Variants in KCNN1 observed in about 807,000 individuals in gnomAD.
KCNN1 encodes the protein small conductance calcium-activated potassium channel protein 1.
In KCNN1, 20 loss-of-function variants were observed where a neutral mutation model predicts 44.7. The ratio of observed to expected loss-of-function variants is 0.45; its 90% confidence interval spans 0.32 to 0.65. The LOEUF is 0.65. KCNN1 is among the 30% of genes least tolerant of loss of function. The pLI is 0.05. For synonymous variants in KCNN1, 324 were observed against 341.7 expected, an observed-to-expected ratio of 0.95 and a Z score of 0.57; for missense variants, 632 against 785.3, an observed-to-expected ratio of 0.80 and a Z score of 2.33.
chr19:17,954,985 C>T (rs1211623200), intron 2 of KCNN1, among the ~76,000 whole-genome samples: 1 of 151,052 alleles, frequency 6.6e-6, no homozygotes, highest in Non-Finnish European at 1.5e-5. Context: ...TTGCAGTGAG[C>T]CAAGATCGCG....
In KCNN1 at chr19:17,993,353, C is replaced by T. The variant is rs530710664; in HGVS notation, c.1308-137C>T. On this transcript the variant is annotated intron_variant, in intron 8 of 9. Transcript: ENST00000684775. The surrounding 1 kb of genome is among the most constrained non-coding windows in gnomAD (Gnocchi z 4.5). The stretch of plus-strand genomic sequence containing the variant: ...TGGGAGGGAATAGACTACAGGGAAT[C>T]GGCCTCCCAACTCCCACCTCATCCT... 5.0e-5 allele frequency: 36 copies of T among 720,890 alleles called. No homozygotes were observed. Among genetic ancestry groups the T allele is most frequent in the Non-Finnish European group, 7.6e-5 (31 of 407,676 alleles). The allele number at this position is 720,890 out of a possible 1,614,324, so 44.7% of individuals were successfully genotyped here. A position where few individuals can be genotyped will look rare whatever the true frequency, so the allele number is the denominator to read the frequency against.
chr19:17,998,628 A>T lies in KCNN1; in HGVS notation c.*222A>T. 1 of 465,752 alleles carries T rather than the reference A, an allele frequency of 2.1e-6. No homozygotes were observed. Among genetic ancestry groups the T allele is most frequent in the Non-Finnish European group, 3.7e-6 (1 of 270,070 alleles). The allele number at this position is 465,752 out of a possible 1,614,324, so 28.9% of individuals were successfully genotyped here. ...CTTCCTCTGGTCACCTGGTCCCCCG[A>T]CTCTCCCCAGGCCCCCGGTGGGCAT... On this transcript the variant is annotated 3_prime_UTR_variant, in exon 10 of 10. Coordinates refer to ENST00000684775, the MANE Select transcript of KCNN1 (RefSeq NM_001386974.1). The surrounding 1 kb of genome is among the most constrained non-coding windows in gnomAD (Gnocchi z 5.4).
chr19:17,984,811 A>T (rs974141192), intron 4 of KCNN1, among the ~76,000 whole-genome samples: 13 of 152,018 alleles, frequency 8.6e-5, no homozygotes, highest in Non-Finnish European at 1.8e-4. Context: ...ACATAGGCTG[A>T]GTTGGGGGAC....
At position 17,981,861 on chromosome 19, in the gene KCNN1, C is replaced by G; in HGVS notation, c.651C>G (p.Tyr217Ter). ...FTWTARLAFT[Y>*]APSVAEADVD... is the part of the protein sequence containing the mutation. ...GGACGGCGCGGCTGGCCTTCACGTA[C>G]GCGCCCTCGGTGGCCGAGGCCGACG... Residue 217 changes from tyrosine to a stop codon, truncating the protein, a stop_gained, in exon 4 of 10, where the codon TAC (tyrosine) becomes TAG (stop). Coordinates refer to ENST00000684775, the MANE Select transcript of KCNN1 (RefSeq NM_001386974.1). LOFTEE classifies it high-confidence loss of function. 6.2e-7 allele frequency: 1 copy of G among 1,612,634 alleles called. No homozygotes were observed. The highest frequency in any genetic ancestry group is 8.5e-7 in the Non-Finnish European group (1 of 1,179,288).
At chr19:17,990,665 T>G (rs1219705863) in intron 7 of KCNN1, among the ~76,000 whole-genome samples, 5 of 151,280 alleles carry the variant, frequency 3.3e-5, no homozygotes, top group Non-Finnish European at 7.4e-5. Context: ...CCGGGCGTGG[T>G]GGCGGACGCC....
At chr19:17,986,637 A>G (rs952483057) in intron 5 of KCNN1, among the ~76,000 whole-genome samples, 1 of 152,130 alleles carries the variant, frequency 6.6e-6, no homozygotes, top group Admixed American at 6.6e-5. Flanking sequence ...TTTTATGCCC[A>G]TGCCAACAAA....
rs371671009 is a variant in KCNN1 at position 17,981,892 on chromosome 19, G to C, written c.682G>C (p.Val228Leu). ...CTCGGTGGCCGAGGCCGACGTGGAC[G>C]TGCTGCTGTCCATCCCCATGTTCCT... is the stretch of plus-strand genomic sequence containing the variant. ...APSVAEADVDVLLSIPMFLRL... is the reference protein window; with the variant it reads ...APSVAEADVDLLLSIPMFLRL... The change falls in exon 4 of 10, where the codon GTG becomes CTG. Residue 228 changes from valine (V) to leucine (L), a missense_variant. By Grantham distance (32) the Val-to-Leu change is conservative (BLOSUM62 1). Around this residue, in one of 3 missense-constraint regions of KCNN1, gnomAD observed 160 missense variants for 308.3 expected, o/e 0.52. Coordinates refer to ENST00000684775, the MANE Select transcript of KCNN1 (RefSeq NM_001386974.1). 6.2e-7 allele frequency: 1 copy of C among 1,612,476 alleles called. No individual in the cohort carries two copies. Among genetic ancestry groups the C allele is most frequent in the South Asian group, 1.1e-5 (1 of 90,998 alleles).
chr19:17,997,437 G>A (rs1286555255), intron 9 of KCNN1, among the ~76,000 whole-genome samples: 1 of 152,120 alleles, frequency 6.6e-6, no homozygotes, highest in Non-Finnish European at 1.5e-5. Context: ...GGCAGCTCTG[G>A]GCATGTCCCC....
chr19:17,996,867 G>A (rs969127706), intron 9 of KCNN1, among the ~76,000 whole-genome samples: 1 of 152,220 alleles, frequency 6.6e-6, no homozygotes, highest in Non-Finnish European at 1.5e-5. Context: ...AAGAGGCTGG[G>A]TGTGAGAGGA....
intron 2 of KCNN1, among the ~76,000 whole-genome samples, chr19:17,956,313 G>A (rs966550720): frequency 3.3e-5 from 5 of 152,158 alleles, no homozygotes; most frequent in African/African-American, 1.2e-4. Context: ...CAGAGGTGGT[G>A]GTCATTTAGT....
chr19:17,955,668 C>T (rs1000635287), intron 2 of KCNN1, among the ~76,000 whole-genome samples: 44 of 151,442 alleles, frequency 2.9e-4, no homozygotes, highest in African/African-American at 8.5e-4. Flanking sequence ...CTAGAGCCTC[C>T]GGGGAGTTAC....
chr19:17,952,230 G>C (rs1011446525), intron 1 of KCNN1: 1 of 151,968 alleles, frequency 6.6e-6, no homozygotes, highest in African/African-American at 2.4e-5. Flanking sequence ...TCGGCTCTGC[G>C]GCGGCGCGCG....
Position 17,974,011 on chromosome 19 carries a change from C to T in KCNN1, c.123C>T (p.Gly41=), listed in dbSNP as rs746948458. The T allele has an allele frequency of 3.1e-6, 5 of 1,599,306 alleles. No homozygotes were observed. In the South Asian group the frequency reaches 5.6e-5, roughly 18 times the overall value. ...GHPPQPPHSP[G]LQVVVAKSEP... ...CCCCACAACCCCCGCACAGCCCGGG[C>T]CTCCAGGTGGTAGTGGCCAAGAGTG... Residue 41 remains glycine (G), a synonymous_variant, in exon 2 of 10, where the codon GGC becomes GGT. Coordinates refer to ENST00000684775, the MANE Select transcript of KCNN1 (RefSeq NM_001386974.1). The surrounding 1 kb of genome is among the most constrained non-coding windows in gnomAD (Gnocchi z 7.3).
Position 17,993,652 on chromosome 19 carries a change from G to A in KCNN1, c.1377+93G>A. 2 of 1,038,030 alleles carry A rather than the reference G, an allele frequency of 1.9e-6. No homozygotes were observed. The highest frequency in any genetic ancestry group is 1.6e-5 in the African/African-American group (1 of 63,996). The allele number at this position is 1,038,030 out of a possible 1,614,324, so 64.3% of individuals were successfully genotyped here. On this transcript the variant is annotated intron_variant, in intron 9 of 9. Transcript: ENST00000684775. This position sits in a 1 kb window ranked among gnomAD's most constrained non-coding sequence, Gnocchi z 4.5. ...CAGCTCCTGCCGGAGGAGGGCACAA[G>A]GACCCGCTGTGGGCTGAGTGCAGTG... is the stretch of plus-strand genomic sequence containing the variant.
At chr19:17,985,254 G>A in intron 4 of KCNN1, 58 bp from the exon 5 acceptor site, 1 of 1,468,434 alleles carries the variant, frequency 6.8e-7, no homozygotes. Context: ...GGGGTGTGAT[G>A]GAGGCAAAGG....
chr19:17,990,656 C>T (rs1248105308), intron 7 of KCNN1, among the ~76,000 whole-genome samples: 5 of 150,870 alleles, frequency 3.3e-5, no homozygotes, highest in African/African-American at 9.7e-5. Context: ...AAAAATTAGC[C>T]GGGCGTGGTG....
rs1461970094 is a variant in KCNN1, at chr19:17,983,447, G to A, written c.917+1320G>A. On this transcript the variant is annotated intron_variant, in intron 4 of 9. Coordinates refer to ENST00000684775, the MANE Select transcript of KCNN1 (RefSeq NM_001386974.1). This position sits in a 1 kb window ranked among gnomAD's most constrained non-coding sequence, Gnocchi z 4.5. ...AAGGCCCAGTTTCTCTGGCTGTTAA[G>A]GCTTCCAGGGCTCTCCTTGGGCTCT... Among the ~76,000 whole-genome samples, 2 of 152,040 alleles carry A rather than the reference G, an allele frequency of 1.3e-5. No homozygotes were observed. The highest frequency in any genetic ancestry group is 4.8e-5 in the African/African-American group (2 of 41,426).
At chr19:17,989,060 C>G (rs1238170177) in intron 6 of KCNN1, among the ~76,000 whole-genome samples, 1 of 152,174 alleles carries the variant, frequency 6.6e-6, no homozygotes, top group African/African-American at 2.4e-5. Flanking sequence ...CCGCCATATG[C>G]AATTTGAGAG....
rs1361869029 is a variant in KCNN1 at position 17,967,118 on chromosome 19, C to G, written c.-281C>G. ...CTCCCGGCCCGGGCGGGCGCTCGCC[C>G]CCCGCCGGGCCCGTGGACTGGGCGG... On this transcript the variant is annotated 5_prime_UTR_variant, in exon 1 of 10. Transcript: ENST00000684775. 2.0e-6 allele frequency: 2 copies of G among 978,346 alleles called. No homozygotes were observed. The highest frequency in any genetic ancestry group is 1.8e-5 in the African/African-American group (1 of 56,736). The allele number at this position is 978,346 out of a possible 1,614,324, so 60.6% of individuals were successfully genotyped here.
Sources: allele counts gnomAD v4.1 joint callset (sites outside exome capture counted in the v4.1 genomes callset), GRCh38; gene constraint gnomAD v4.1.1; regional missense constraint gnomAD v4.1.1; non-coding constraint Gnocchi (gnomAD v3.1); transcripts MANE v1.5; gene names NCBI Gene and HGNC (gene_info 2026-07-23, HGNC 2026-07-21).